ZNF324B: variants seen among roughly 807,000 people sequenced by gnomAD.
ZNF324B encodes zinc finger protein 324B.
A neutral mutation model predicts 10.6 loss-of-function variants in ZNF324B; 7 were observed. The observed-to-expected ratio is 0.66, with a 90% CI of 0.38 to 1.24. The LOEUF is 1.24. Among genes scored for constraint, ZNF324B ranks in the 50% most tolerant of loss-of-function variants. ZNF324B has a pLI of 0.02. For synonymous variants in ZNF324B, 316 were observed against 321.0 expected, an observed-to-expected ratio of 0.98 and a Z score of 0.17; for missense variants, 640 against 764.7, an observed-to-expected ratio of 0.84 and a Z score of 1.92.
the ZNF324B span, among the ~76,000 whole-genome samples, chr19:58,424,926 AT>A: frequency 6.6e-6 from 1 of 152,204 alleles, no homozygotes; most frequent in Non-Finnish European, 1.5e-5. Context: ...TTGTACACAA[AT>A]GTTTATAGCA....
chr19:58,425,026 C>T, the ZNF324B span, among the ~76,000 whole-genome samples: 3 of 152,138 alleles, frequency 2.0e-5, no homozygotes, highest in East Asian at 1.9e-4. Flanking sequence ...GAGGCCGAGG[C>T]GGGTGGATCA....
the ZNF324B span, chr19:58,429,075 C>CA: frequency 6.6e-6 from 1 of 152,244 alleles, no homozygotes; most frequent in African/African-American, 2.4e-5. Context: ...CCAAGCCTGT[C>CA]AGTCTTTCAT....
intron 2 of ZNF324B, 61 bp from the exon 3 acceptor site, chr19:58,454,167 C>G (rs951888593): frequency 2.1e-5 from 23 of 1,097,348 alleles, no homozygotes; most frequent in Admixed American, 9.0e-5. Context: ...GACTCCTGCT[C>G]TCTGTTGGGA....
chr19:58,439,351 A>G, the ZNF324B span, among the ~76,000 whole-genome samples: 1 of 152,088 alleles, frequency 6.6e-6, no homozygotes, highest in African/African-American at 2.4e-5. Flanking sequence ...CAAACCTTCC[A>G]TGGCTCCCAC....
chr19:58,448,551 C>T (rs1356044338), upstream of ZNF324B, among the ~76,000 whole-genome samples: 1 of 151,992 alleles, frequency 6.6e-6, no homozygotes, highest in South Asian at 2.1e-4. Flanking sequence ...GGTGAAACCC[C>T]GTCTCTACTA....
At chr19:58,418,976 A>G in the ZNF324B span, 1 of 152,194 alleles carries the variant, frequency 6.6e-6, no homozygotes, top group Non-Finnish European at 1.5e-5. Context: ...ATCCGGCACT[A>G]TCACCGTAAG....
Position 58,455,405 on chromosome 19 carries a change from A to G in ZNF324B, c.461A>G (p.Asp154Gly), listed in dbSNP as rs1443450664. The change falls in exon 4 of 4, where the codon GAC (aspartate) becomes GGC (glycine). Residue 154 changes from aspartate (D) to glycine (G), a missense_variant. By Grantham distance (94) the Asp-to-Gly change is moderately conservative (BLOSUM62 -1). Coordinates refer to ENST00000336614, the MANE Select transcript of ZNF324B (RefSeq NM_207395.3). The surrounding 1 kb of genome is among the most constrained non-coding windows in gnomAD (Gnocchi z 7.0). ...WERLLLGSRS[D>G]QASISLRLTS... is the part of the protein sequence containing the mutation. ...AGGCTCCTGCTAGGCTCGCGCAGTG[A>G]CCAGGCCAGCATCAGCCTGCGACTG... The G allele has an allele frequency of 1.2e-6, 2 of 1,614,038 alleles. No individual in the cohort carries two copies. The highest frequency in any genetic ancestry group is 3.3e-5 in the Admixed American group (2 of 60,010).
At chr19:58,438,834 G>T in the ZNF324B span, among the ~76,000 whole-genome samples, 1 of 151,214 alleles carries the variant, frequency 6.6e-6, no homozygotes, top group Non-Finnish European at 1.5e-5. Flanking sequence ...GCAGTGGCAC[G>T]ATCTCAGCTC....
At chr19:58,453,402 T>C (rs2052881128) in intron 1 of ZNF324B, 1 of 488,306 alleles carries the variant, frequency 2.0e-6, no homozygotes, top group East Asian at 3.8e-5. Flanking sequence ...GAGTCACGAG[T>C]GGATATTTGG....
At chr19:58,443,548 G>A in the ZNF324B span, 3 of 152,394 alleles carry the variant, frequency 2.0e-5, no homozygotes, top group Non-Finnish European at 4.4e-5. Flanking sequence ...CACAAAATGA[G>A]GACCATCATG....
chr19:58,445,377 G>A, the ZNF324B span: 5 of 516,736 alleles, frequency 9.7e-6, no homozygotes, highest in Middle Eastern at 3.2e-4. Context: ...ATTCACACTG[G>A]AAAAACCCTC....
chr19:58,436,981 G>C, the ZNF324B span: 1 of 1,609,890 alleles, frequency 6.2e-7, no homozygotes, highest in Non-Finnish European at 8.5e-7. Flanking sequence ...GGGATGAACA[G>C]AGCTTTCTAT....
the ZNF324B span, among the ~76,000 whole-genome samples, chr19:58,446,082 C>T: frequency 6.6e-6 from 1 of 152,192 alleles, no homozygotes; most frequent in South Asian, 2.1e-4. Flanking sequence ...TTGCAGTGAG[C>T]CAAGATCATG....
In ZNF324B at chr19:58,455,968, C is replaced by A; in HGVS notation, c.1024C>A (p.Arg342Ser). 1 of 1,590,646 alleles carries A rather than the reference C, an allele frequency of 6.3e-7. No individual in the cohort carries two copies. The change falls in exon 4 of 4, where the codon CGC (arginine) becomes AGC (serine). Residue 342 changes from arginine to serine, a missense_variant. By Grantham distance (110) the Arg-to-Ser change is moderately radical. Around this residue, in one of 3 missense-constraint regions of ZNF324B, gnomAD observed 57 missense variants for 118.8 expected, o/e 0.48. Transcript: ENST00000336614. The surrounding 1 kb of genome is among the most constrained non-coding windows in gnomAD (Gnocchi z 7.0). ...CATCCACACGGCCGAGAAGTCCTTC[C>A]GCTGCTCCGAGTGCGGCAAGGCCTT... ...QRIHTAEKSF[R>S]CSECGKAFSH...
the ZNF324B span, chr19:58,434,345 T>C: frequency 6.2e-7 from 1 of 1,614,248 alleles, no homozygotes; most frequent in Non-Finnish European, 8.5e-7. Context: ...GTGTGAACTT[T>C]CTCATGCCGA....
At chr19:58,427,652 G>C in the ZNF324B span, among the ~76,000 whole-genome samples, 361 of 150,510 alleles carry the variant, frequency 2.4e-3, 5 homozygotes, top group Non-Finnish European at 4.4e-3. Flanking sequence ...ACCGCGCCCA[G>C]CCTTTTTTTT....
At chr19:58,420,994 G>A in the ZNF324B span, among the ~76,000 whole-genome samples, 3 of 150,340 alleles carry the variant, frequency 2.0e-5, no homozygotes, top group Non-Finnish European at 4.4e-5. Context: ...GTGAGCCACC[G>A]CACCCAGCCT....
At chr19:58,433,369 A>G in the ZNF324B span, 1 of 1,614,214 alleles carries the variant, frequency 6.2e-7, no homozygotes, top group South Asian at 1.1e-5. Flanking sequence ...AAGATGGCTG[A>G]AGAGTTTCCC....
chr19:58,421,422 G>A, the ZNF324B span, among the ~76,000 whole-genome samples: 1 of 151,956 alleles, frequency 6.6e-6, no homozygotes, highest in East Asian at 1.9e-4. Flanking sequence ...CTTTTGAGAC[G>A]GAGTCTCCCC....
Sources: allele counts gnomAD v4.1 joint callset (sites outside exome capture counted in the v4.1 genomes callset), GRCh38; gene constraint gnomAD v4.1.1; regional missense constraint gnomAD v4.1.1; non-coding constraint Gnocchi (gnomAD v3.1); transcripts MANE v1.5; gene names NCBI Gene and HGNC (gene_info 2026-07-23, HGNC 2026-07-21).